ICA1L: variants seen among roughly 807,000 people sequenced by gnomAD.
The protein encoded by ICA1L is islet cell autoantigen 1 like, also known as islet cell autoantigen 1-like protein.
Under a neutral mutation model 61.3 loss-of-function variants are expected in ICA1L, and 50 were observed. That is an observed-to-expected ratio of 0.82 (90% CI 0.65 to 1.03). The LOEUF (loss-of-function observed/expected upper bound fraction) is 1.03. ICA1L is among the 50% of genes least tolerant of loss of function. The probability of loss-of-function intolerance (pLI) is 0.00; values close to 1 mark genes in which losing one functional copy is unlikely to be tolerated. For missense variants in ICA1L, 508 were observed against 556.7 expected (o/e 0.91, Z 0.88); for synonymous variants, 161 against 191.3 (o/e 0.84, Z 1.31).
chr2:202,784,550 T>C (rs1415670950), intron 12 of ICA1L, among the ~76,000 whole-genome samples: 1 of 152,208 alleles, frequency 6.6e-6, no homozygotes, highest in Non-Finnish European at 1.5e-5. Context: ...AGGGAATGAA[T>C]TATATCTCAG....
chr2:202,861,905 A>AT, intron 1 of ICA1L, among the ~76,000 whole-genome samples: 1 of 148,026 alleles, frequency 6.8e-6, no homozygotes, highest in Non-Finnish European at 1.5e-5. Flanking sequence ...AAAAAAAAAA[A>AT]GTGAAACCAT....
At chr2:202,859,658 C>T (rs1694858422) in intron 1 of ICA1L, among the ~76,000 whole-genome samples, 1 of 152,076 alleles carries the variant, frequency 6.6e-6, no homozygotes, top group South Asian at 2.1e-4. Context: ...GAGAGGTTAC[C>T]ATCTTGACCT....
intron 1 of ICA1L, among the ~76,000 whole-genome samples, chr2:202,851,373 G>C (rs1392542456): frequency 6.6e-6 from 1 of 152,110 alleles, no homozygotes; most frequent in Non-Finnish European, 1.5e-5. Context: ...AGTATTCCAT[G>C]GTGTATATGT....
chr2:202,826,326 T>G (rs1242085282), intron 2 of ICA1L, among the ~76,000 whole-genome samples: 3 of 152,170 alleles, frequency 2.0e-5, no homozygotes, highest in African/African-American at 7.2e-5. Flanking sequence ...AGAAAAGAAA[T>G]AAAATATCCA....
intron 10 of ICA1L, among the ~76,000 whole-genome samples, chr2:202,795,240 C>G (rs1045937108): frequency 3.9e-5 from 6 of 152,052 alleles, no homozygotes; most frequent in African/African-American, 1.2e-4. Flanking sequence ...ATCTGCCCAC[C>G]TTGGCCTCCC....
chr2:202,852,305 A>T (rs1343448192), intron 1 of ICA1L, among the ~76,000 whole-genome samples: 1 of 152,174 alleles, frequency 6.6e-6, no homozygotes, highest in East Asian at 1.9e-4. Context: ...CTAGTTCTAG[A>T]TCCTTGAGGA....
intron 2 of ICA1L, among the ~76,000 whole-genome samples, chr2:202,828,409 T>C (rs1033472671): frequency 1.3e-5 from 2 of 152,134 alleles, no homozygotes; most frequent in Middle Eastern, 3.2e-3. Context: ...CATTAGGAAA[T>C]ATTTCAATAA....
intron 1 of ICA1L, among the ~76,000 whole-genome samples, chr2:202,865,856 G>A (rs1443668348): frequency 6.6e-6 from 1 of 152,066 alleles, no homozygotes. Flanking sequence ...CAAACTCCTG[G>A]CCTCAAGTGA....
At chr2:202,829,650 T>C (rs1047023106) in intron 1 of ICA1L, among the ~76,000 whole-genome samples, 1 of 152,138 alleles carries the variant, frequency 6.6e-6, no homozygotes, top group Non-Finnish European at 1.5e-5. Context: ...ACTTGCTTTA[T>C]ATGGTCTAAA....
Position 202,814,756 on chromosome 2 carries a change from C to G in ICA1L, c.812G>C (p.Ser271Thr). Residue 271 changes from serine to threonine, a missense_variant, in exon 8 of 13, where the codon AGT becomes ACT. Physicochemically the swap from Ser to Thr is moderately conservative, Grantham distance 58. Coordinates refer to ENST00000358299, the MANE Select transcript of ICA1L (RefSeq NM_001288622.3). ...KQLQDTPSKI[S>T]EDNKDEQIGG... ...TATTTGTTCATCTTTATTGTCTTCA[C>G]TAATCTTGCTTGGCGTGTCTTGTAG... 1 of 1,613,668 alleles carries G rather than the reference C, an allele frequency of 6.2e-7. No homozygotes were observed. The highest frequency in any genetic ancestry group is 8.5e-7 in the Non-Finnish European group (1 of 1,179,730).
At chr2:202,810,764 T>C (rs528205766) in intron 9 of ICA1L, among the ~76,000 whole-genome samples, 3 of 152,132 alleles carry the variant, frequency 2.0e-5, no homozygotes, top group Non-Finnish European at 4.4e-5. Context: ...GGAACATCCC[T>C]GAGAAAGAGA....
chr2:202,867,570 C>T (rs1687553145), intron 1 of ICA1L, among the ~76,000 whole-genome samples: 1 of 152,096 alleles, frequency 6.6e-6, no homozygotes, highest in Non-Finnish European at 1.5e-5. Flanking sequence ...CATCATTGAC[C>T]AAAACACCTT....
intron 12 of ICA1L, among the ~76,000 whole-genome samples, chr2:202,785,096 A>G (rs1314736839): frequency 6.6e-6 from 1 of 151,694 alleles, no homozygotes; most frequent in African/African-American, 2.4e-5. Context: ...GCATGTGCCT[A>G]TAGTACCAGC....
intron 1 of ICA1L, among the ~76,000 whole-genome samples, chr2:202,858,910 T>C (rs1184802120): frequency 6.6e-6 from 1 of 152,194 alleles, no homozygotes; most frequent in African/African-American, 2.4e-5. Context: ...GTTCATACAA[T>C]GACAAAATTG....
intron 11 of ICA1L, among the ~76,000 whole-genome samples, chr2:202,788,414 T>C (rs1451959189): frequency 1.3e-5 from 2 of 152,184 alleles, no homozygotes; most frequent in African/African-American, 4.8e-5. Flanking sequence ...CACAGGATGG[T>C]GGACTCTCTT....
At chr2:202,851,762 T>C (rs947802387) in intron 1 of ICA1L, among the ~76,000 whole-genome samples, 1 of 152,250 alleles carries the variant, frequency 6.6e-6, no homozygotes, top group Non-Finnish European at 1.5e-5. Context: ...TGATGGCCAG[T>C]GATGACGAGC....
In ICA1L at chr2:202,779,622, A is replaced by G. The variant is rs1330648476; in HGVS notation, c.1360T>C (p.Ser454Pro). Residue 454 changes from serine (S) to proline (P), a missense_variant, in exon 13 of 13, where the codon TCA (serine) becomes CCA (proline). Transcript: ENST00000358299. ...TCTGCAAACAGATTGAACCAGGCTG[A>G]CATGTCTTGGTTGCCATTGTTGGGG... Reference protein sequence around the residue: ...RSPNNGNQDMSAWFNLFADLD... With the variant: ...RSPNNGNQDMPAWFNLFADLD... 6.2e-7 allele frequency: 1 copy of G among 1,612,288 alleles called. No homozygotes were observed. The highest frequency in any genetic ancestry group is 8.5e-7 in the Non-Finnish European group (1 of 1,179,262).
intron 1 of ICA1L, among the ~76,000 whole-genome samples, chr2:202,833,592 A>C (rs1179613582): frequency 6.6e-6 from 1 of 152,172 alleles, no homozygotes; most frequent in Non-Finnish European, 1.5e-5. Context: ...CTCTAAAAAA[A>C]TAAAAAATTA....
At chr2:202,808,051 T>C (rs1693272611) in intron 9 of ICA1L, among the ~76,000 whole-genome samples, 1 of 152,148 alleles carries the variant, frequency 6.6e-6, no homozygotes, top group Admixed American at 6.5e-5. Flanking sequence ...TTCTAAGCTA[T>C]GGTGCCCACA....
Sources: gnomAD v4.1 joint callset for allele counts (sites outside exome capture counted in the v4.1 genomes callset) on GRCh38, gnomAD v4.1.1 for gene constraint, MANE v1.5 for transcripts, NCBI Gene and HGNC (gene_info 2026-07-23, HGNC 2026-07-21) for gene names.